SI: variants seen among roughly 807,000 people sequenced by gnomAD.
SI encodes sucrase-isomaltase, also known as sucrase-isomaltase, intestinal.
In SI, 235 loss-of-function variants were observed where a neutral mutation model predicts 253.3. The observed-to-expected ratio is 0.93, with a 90% confidence interval of 0.83 to 1.03. SI has a LOEUF of 1.03. Among genes scored for constraint, SI ranks in the 50% least tolerant of loss-of-function variants. The probability of loss-of-function intolerance (pLI) is 0.00; values close to 1 mark genes in which losing one functional copy is unlikely to be tolerated. For synonymous variants in SI, 819 were observed against 712.0 expected, an observed-to-expected ratio of 1.15 and a Z score of -2.39; for missense variants, 2,442 against 2,211.1, an observed-to-expected ratio of 1.10 and a Z score of -2.09.
chr3:164,985,385 G>A (rs1011277728), intron 45 of SI, among the ~76,000 whole-genome samples: 1 of 152,142 alleles, frequency 6.6e-6, no homozygotes, highest in African/African-American at 2.4e-5. Context: ...TCATTGCGGT[G>A]ATGAAGGTCA....
In SI at chr3:165,012,594, A is replaced by AT. The variant is rs141223879; in HGVS notation, c.4062+385dup. ...CAGGCTCCCGCCACCACGCCTGGTT[A>AT]TTTTTTTTTGTATTTTTAGTAGAGA... On this transcript the variant is annotated intron_variant, in intron 34 of 47. Coordinates refer to ENST00000264382, the MANE Select transcript of SI (RefSeq NM_001041.4). 1.6e-3 allele frequency among the ~76,000 whole-genome samples: 239 copies of AT among 150,530 alleles called. 1 individual carries two copies. The highest frequency in any genetic ancestry group is 5.5e-3 in the Admixed American group (83 of 15,076).
rs927979885 is a variant in SI at position 165,037,919 on chromosome 3, C to G, written c.2407G>C (p.Asp803His). Residue 803 changes from aspartate to histidine, a missense_variant, in exon 21 of 48, where the codon GAT becomes CAT. Coordinates refer to ENST00000264382, the MANE Select transcript of SI (RefSeq NM_001041.4). ...GGYIIPIQEPDVTTTASRKNP... is the reference protein window; with the variant it reads ...GGYIIPIQEPHVTTTASRKNP... ...TTTTACCTTGCTGTTGTTGTTACAT[C>G]TGGTTCTTGAATGGGGATGATATAA... The G allele has an allele frequency of 1.9e-6, 3 of 1,608,456 alleles. No individual in the cohort carries two copies. The African/African-American group carries it at 4.0e-5, about 21-fold the overall frequency.
Position 164,982,327 on chromosome 3 carries a change from T to C in SI, c.5331A>G (p.Lys1777=). ...TAACTGCATTGACAGGAGTAGTTCC[T>C]TTCCCCCATACATGAAGGGATCCAA... ...TRLGSLHVWG[K]GTTPVNAVTL... Residue 1777 remains lysine, a synonymous_variant, in exon 47 of 48, where the codon AAA becomes AAG. Coordinates refer to ENST00000264382, the MANE Select transcript of SI (RefSeq NM_001041.4). The C allele has an allele frequency of 6.2e-7, 1 of 1,612,874 alleles. No homozygotes were observed. Among genetic ancestry groups the C allele is most frequent in the Non-Finnish European group, 8.5e-7 (1 of 1,179,190 alleles).
intron 37 of SI, among the ~76,000 whole-genome samples, chr3:165,002,596 A>G (rs1376454418): frequency 6.6e-6 from 1 of 151,734 alleles, no homozygotes; most frequent in Non-Finnish European, 1.5e-5. Flanking sequence ...TGTGTTTATA[A>G]TTTGTTCAGT....
At chr3:165,086,774 A>G in the SI span, among the ~76,000 whole-genome samples, 1 of 152,200 alleles carries the variant, frequency 6.6e-6, no homozygotes. Flanking sequence ...ATGGGCATTA[A>G]TGCCATGCAA....
intron 44 of SI, among the ~76,000 whole-genome samples, chr3:164,989,375 A>C (rs1245406659): frequency 1.3e-5 from 1 of 79,384 alleles, no homozygotes; most frequent in Non-Finnish European, 2.9e-5. Flanking sequence ...AAAGAAAGGA[A>C]GAAAGAAAGA....
intron 44 of SI, among the ~76,000 whole-genome samples, chr3:164,989,353 GAAGA>G (rs201006284): frequency 0.029 from 3,250 of 110,572 alleles, 145 homozygotes; most frequent in African/African-American, 0.1. Context: ...AAGAGAGAAA[GAAGA>G]AAGAAAGAAA....
intron 7 of SI, among the ~76,000 whole-genome samples, chr3:165,063,985 G>A (rs909387170): frequency 5.3e-5 from 8 of 151,226 alleles, no homozygotes; most frequent in African/African-American, 9.7e-5. Context: ...CAGGAGAATC[G>A]CTTGAACCCA....
At chr3:165,068,663 G>A (rs564243776) in intron 5 of SI, 59 bp downstream of exon 5, 3 of 1,256,382 alleles carry the variant, frequency 2.4e-6, no homozygotes, top group Non-Finnish European at 3.5e-6. Context: ...GTGAGCCACC[G>A]CGCCCAGCCC....
At chr3:165,048,567 GTA>G (rs151098561) in intron 15 of SI, among the ~76,000 whole-genome samples, 24,705 of 123,450 alleles carry the variant, frequency 0.2, 2,487 homozygotes, top group African/African-American at 0.28. Context: ...ATATATATAT[GTA>G]TATATATATA....
At position 165,028,773 on chromosome 3, in the gene SI, T is replaced by C. The variant is rs114421048; in HGVS notation, c.2892+1939A>G. On this transcript the variant is annotated intron_variant, in intron 25 of 47. Transcript: ENST00000264382. ...AAAACTAGATTCTCATCTCTCACCT[T>C]ACACAAAAGTCAACTCAAGGTGGAT... is the stretch of plus-strand genomic sequence containing the variant. 2.7e-3 allele frequency among the ~76,000 whole-genome samples: 416 copies of C among 151,660 alleles called. 3 individuals carry two copies. Among genetic ancestry groups the C allele is most frequent in the African/African-American group, 9.5e-3 (393 of 41,474 alleles).
intron 45 of SI, among the ~76,000 whole-genome samples, chr3:164,986,098 T>C (rs1286547515): frequency 6.6e-6 from 1 of 152,120 alleles, no homozygotes; most frequent in Non-Finnish European, 1.5e-5. Context: ...TTACTTGAGA[T>C]TGGTTTCTGG....
At chr3:164,980,470 T>C (rs755712853) in intron 47 of SI, among the ~76,000 whole-genome samples, 9 of 151,934 alleles carry the variant, frequency 5.9e-5, no homozygotes, top group Non-Finnish European at 1.0e-4. Context: ...CTTGCATAAA[T>C]TAAAGGACAA....
upstream of SI, among the ~76,000 whole-genome samples, chr3:165,080,923 AACAG>A (rs1715298029): frequency 6.6e-6 from 1 of 151,918 alleles, no homozygotes; most frequent in Non-Finnish European, 1.5e-5. Context: ...GTCTTAAAGA[AACAG>A]ACAGAAAAAA....
chr3:165,067,233 C>T, intron 6 of SI, 107 bp downstream of exon 6: 1 of 833,952 alleles, frequency 1.2e-6, no homozygotes, highest in South Asian at 1.9e-5. Flanking sequence ...ATCCACCTAC[C>T]CTCTTTTGGG....
intron 35 of SI, among the ~76,000 whole-genome samples, chr3:165,008,949 C>A (rs1185972008): frequency 2.0e-5 from 3 of 151,910 alleles, no homozygotes; most frequent in Admixed American, 6.6e-5. Flanking sequence ...ATCTCTCATA[C>A]AAAGGACTAA....
chr3:165,035,235 T>C (rs1712470766), intron 22 of SI, among the ~76,000 whole-genome samples: 1 of 151,948 alleles, frequency 6.6e-6, no homozygotes, highest in African/African-American at 2.4e-5. Flanking sequence ...GTAAATGGTA[T>C]AAAAGACTAC....
At chr3:164,996,502 A>G in intron 40 of SI, 33 bp downstream of exon 40, 1 of 1,152,746 alleles carries the variant, frequency 8.7e-7, no homozygotes, top group Non-Finnish European at 1.3e-6. Context: ...CCCAAGTAAG[A>G]AAATACTGAA....
intron 5 of SI, among the ~76,000 whole-genome samples, chr3:165,068,047 A>G (rs1310186427): frequency 1.3e-5 from 2 of 151,976 alleles, no homozygotes; most frequent in African/African-American, 4.8e-5. Flanking sequence ...TATTTATACT[A>G]GTAAACTACG....
Sources: allele counts gnomAD v4.1 joint callset (sites outside exome capture counted in the v4.1 genomes callset), GRCh38; gene constraint gnomAD v4.1.1; transcripts MANE v1.5; gene names NCBI Gene and HGNC (gene_info 2026-07-23, HGNC 2026-07-21).